The following TNS4 variants were observed in gnomAD, a reference collection of about 807,000 sequenced individuals.
The protein encoded by TNS4 is tensin-4.
In TNS4, 46 loss-of-function variants were observed where a neutral mutation model predicts 70.4. The ratio of observed to expected loss-of-function variants is 0.65; its 90% CI spans 0.52 to 0.84. The LOEUF is 0.84. Among genes scored for constraint, TNS4 ranks in the 40% least tolerant of loss-of-function variants. The pLI is 0.00. For synonymous variants in TNS4, 390 were observed against 366.6 expected, an observed-to-expected ratio of 1.06 and a Z score of -0.73; for missense variants, 863 against 907.0, an observed-to-expected ratio of 0.95 and a Z score of 0.62.
At chr17:40,485,927 C>T (rs1232660438) in intron 4 of TNS4, among the ~76,000 whole-genome samples, 2 of 152,232 alleles carry the variant, frequency 1.3e-5, no homozygotes, top group African/African-American at 2.4e-5. Context: ...TCATTTTCTC[C>T]TGCTTGCCTC....
chr17:40,488,592 C>G lies in TNS4; in HGVS notation c.817G>C (p.Val273Leu). ...TCAGACACTGGGCTGGCTGACAGCA[C>G]AGAGATCCTGCTGCCCCGCTGTGGG... The part of the protein sequence containing the change: ...LAPQRGSRIS[V>L]LSASPVSDVS... Residue 273 changes from valine (V) to leucine (L), a missense_variant, in exon 3 of 13, where the codon GTG (valine) becomes CTG (leucine). Val to Leu is a conservative substitution (Grantham distance 32, BLOSUM62 1). Coordinates refer to ENST00000254051, the MANE Select transcript of TNS4 (RefSeq NM_032865.6). 6.6e-7 allele frequency: 1 copy of G among 1,514,008 alleles called. No homozygotes were observed. Among genetic ancestry groups the G allele is most frequent in the Non-Finnish European group, 8.8e-7 (1 of 1,131,318 alleles). The allele number at this position is 1,514,008 out of a possible 1,614,324, so 93.8% of individuals were successfully genotyped here. A position where few individuals can be genotyped will look rare whatever the true frequency, so the allele number is the denominator to read the frequency against.
rs1173609120 is a variant in TNS4 at position 40,480,825 on chromosome 17, C to A, written c.1673-57G>T. On this transcript the variant is annotated intron_variant, in intron 8 of 12. Coordinates refer to ENST00000254051, the MANE Select transcript of TNS4 (RefSeq NM_032865.6). Reference sequence around the variant, plus strand: ...AGGGGCGGGGGTGGAGTGAATGGACCCCTCTCACAGGAACAGGCCTCATGA... The same window carrying A: ...AGGGGCGGGGGTGGAGTGAATGGACACCTCTCACAGGAACAGGCCTCATGA... 1.9e-6 allele frequency: 3 copies of A among 1,573,648 alleles called. No homozygotes were observed. In the East Asian group the frequency reaches 7.1e-5, roughly 37 times the overall value.
chr17:40,501,060 C>A (rs761426141), intron 1 of TNS4, among the ~76,000 whole-genome samples: 1 of 152,222 alleles, frequency 6.6e-6, no homozygotes, highest in Admixed American at 6.5e-5. Context: ...CTGAACTCCG[C>A]GGTCTGTGAT....
rs892854606 is a variant in TNS4, at chr17:40,492,763, A to G, written c.439+3224T>C. The stretch of plus-strand genomic sequence containing the variant: ...TAAAAATTAGCCAGGTTGGCAGGGC[A>G]TGGTGGCTCATACCTGTAATCCCAG... On this transcript the variant is annotated intron_variant, in intron 2 of 12. Transcript: ENST00000254051. Among the ~76,000 whole-genome samples, 5 of 152,058 alleles carry G rather than the reference A, an allele frequency of 3.3e-5. No individual in the cohort carries two copies. The East Asian group carries it at 9.7e-4, about 30-fold the overall frequency.
At chr17:40,483,364 C>T (rs1488537048) in intron 6 of TNS4, among the ~76,000 whole-genome samples, 1 of 152,064 alleles carries the variant, frequency 6.6e-6, no homozygotes, top group Non-Finnish European at 1.5e-5. Flanking sequence ...TGTGCTCCAC[C>T]ACACCTGGGT....
In TNS4 at chr17:40,477,628, C is replaced by T. The variant is rs2035865155; in HGVS notation, c.2108G>A (p.Gly703Asp). The T allele has an allele frequency of 6.2e-7, 1 of 1,614,054 alleles. No homozygotes were observed. Among genetic ancestry groups the T allele is most frequent in the Non-Finnish European group, 8.5e-7 (1 of 1,180,036 alleles). Residue 703 changes from glycine (G) to aspartate (D), a missense_variant, in exon 13 of 13, where the codon GGC (glycine) becomes GAC (aspartate). By Grantham distance (94) the Gly-to-Asp change is moderately conservative. Transcript: ENST00000254051. Reference protein sequence around the residue: ...DMVQPASQVIGLVTALLQDAE... With the variant: ...DMVQPASQVIDLVTALLQDAE... ...GTCCTGCAGCAGAGCAGTCACCAGG[C>T]CGATGACCTGCGAGGCTGGCTGGAC...
chr17:40,477,720 C>T lies in TNS4; in HGVS notation c.2016G>A (p.Gly672=), dbSNP rs1449040306. 6.2e-7 allele frequency: 1 copy of T among 1,613,924 alleles called. No individual in the cohort carries two copies. Among genetic ancestry groups the T allele is most frequent in the Non-Finnish European group, 8.5e-7 (1 of 1,179,980 alleles). ...QKYCKPSWIF[G]FVAKSQTEPQ... is the part of the protein sequence containing the mutation. ...GCTCTGTCTGGCTCTTGGCCACAAA[C>T]CCAAAGATCCTGGTGGGGGAGGGCA... is the stretch of plus-strand genomic sequence containing the variant. Residue 672 remains glycine (G), a synonymous_variant, in exon 13 of 13, where the codon GGG becomes GGA. Coordinates refer to ENST00000254051, the MANE Select transcript of TNS4 (RefSeq NM_032865.6).
intron 1 of TNS4, among the ~76,000 whole-genome samples, chr17:40,500,858 T>G (rs1374442199): frequency 6.7e-6 from 1 of 148,998 alleles, no homozygotes; most frequent in Non-Finnish European, 1.5e-5. Flanking sequence ...ATAGGACCAG[T>G]GAAGGCCAGC....
At chr17:40,481,148 C>A (rs1874968274) in intron 8 of TNS4, among the ~76,000 whole-genome samples, 2 of 152,074 alleles carry the variant, frequency 1.3e-5, no homozygotes. Flanking sequence ...TGCCTTGATG[C>A]CCTTCCAGAA....
intron 10 of TNS4, among the ~76,000 whole-genome samples, chr17:40,479,322 T>A (rs561128542): frequency 6.6e-6 from 1 of 152,316 alleles, no homozygotes; most frequent in East Asian, 1.9e-4. Flanking sequence ...TAATTTTGTA[T>A]TTTTAGTAGA....
At chr17:40,491,866 C>T (rs2036072925) in intron 2 of TNS4, among the ~76,000 whole-genome samples, 1 of 152,024 alleles carries the variant, frequency 6.6e-6, no homozygotes, top group African/African-American at 2.4e-5. Context: ...TGGAGAGATA[C>T]TTATTAAATA....
Position 40,488,890 on chromosome 17 carries a change from G to C in TNS4, c.519C>G (p.Thr173=). ...CACTGCGAAGGGAGCCGAAGGGCGG[G>C]GTGACAGAGGGGCTGGAGCAGTGCT... ...GPQHCSSPSV[T]PPFGSLRSGG... Residue 173 remains threonine (T), a synonymous_variant, in exon 3 of 13, where the codon ACC becomes ACG. Coordinates refer to ENST00000254051, the MANE Select transcript of TNS4 (RefSeq NM_032865.6). The C allele has an allele frequency of 6.2e-7, 1 of 1,613,288 alleles. No homozygotes were observed. Among genetic ancestry groups the C allele is most frequent in the Non-Finnish European group, 8.5e-7 (1 of 1,179,812 alleles).
At chr17:40,491,935 T>C (rs2036074206) in intron 2 of TNS4, among the ~76,000 whole-genome samples, 1 of 150,870 alleles carries the variant, frequency 6.6e-6, no homozygotes, top group South Asian at 2.1e-4. Context: ...AAAATGAAAG[T>C]GGGGGGCCTG....
intron 2 of TNS4, among the ~76,000 whole-genome samples, chr17:40,495,520 A>C (rs186698949): frequency 1.4e-3 from 211 of 152,226 alleles, no homozygotes; most frequent in Non-Finnish European, 2.7e-3. Flanking sequence ...AGATGCCCCA[A>C]TCCTACCATT....
chr17:40,490,450 T>C (rs2036054379), intron 2 of TNS4, among the ~76,000 whole-genome samples: 1 of 152,204 alleles, frequency 6.6e-6, no homozygotes, highest in Non-Finnish European at 1.5e-5. Flanking sequence ...GTCTTGCCTC[T>C]AGCTTCCTGG....
At chr17:40,495,898 G>C in intron 2 of TNS4, 89 bp downstream of exon 2, 4 of 1,418,834 alleles carry the variant, frequency 2.8e-6, no homozygotes, top group Non-Finnish European at 3.8e-6. Context: ...AACAGGACAG[G>C]GTCCCCTTCT....
chr17:40,477,441 T>A lies in TNS4; in HGVS notation c.*147A>T. ...GGTGACTGCTGAAGGCCATAGCAGG[T>A]TCAAGGGTGTCAACTTGATGCCAAT... On this transcript the variant is annotated 3_prime_UTR_variant, in exon 13 of 13. Coordinates refer to ENST00000254051, the MANE Select transcript of TNS4 (RefSeq NM_032865.6). 9.1e-7 allele frequency: 1 copy of A among 1,098,236 alleles called. No homozygotes were observed. Among genetic ancestry groups the A allele is most frequent in the Non-Finnish European group, 1.3e-6 (1 of 780,252 alleles). The allele number at this position is 1,098,236 out of a possible 1,614,324, so 68.0% of individuals were successfully genotyped here.
rs536423355 is a variant in TNS4, at chr17:40,478,915, C to T, written c.1911-267G>A. ...ACCACGCCATTTAATTTTTTTTGGCCACTAACTTTTTGAGGACACGAATTA... is the reference window on the plus strand; with the variant it reads ...ACCACGCCATTTAATTTTTTTTGGCTACTAACTTTTTGAGGACACGAATTA... On this transcript the variant is annotated intron_variant, in intron 10 of 12. Coordinates refer to ENST00000254051, the MANE Select transcript of TNS4 (RefSeq NM_032865.6). Among the ~76,000 whole-genome samples, 7 of 152,134 alleles carry T rather than the reference C, an allele frequency of 4.6e-5. No homozygotes were observed. In the South Asian group the frequency reaches 1.5e-3, roughly 32 times the overall value.
intron 2 of TNS4, among the ~76,000 whole-genome samples, chr17:40,494,438 G>C (rs1403394938): frequency 6.6e-6 from 1 of 152,176 alleles, no homozygotes; most frequent in East Asian, 1.9e-4. Context: ...GCAAAACAGA[G>C]ATAAAATATT....
Sources: gnomAD v4.1 joint callset for allele counts (sites outside exome capture counted in the v4.1 genomes callset) on GRCh38, gnomAD v4.1.1 for gene constraint, MANE v1.5 for transcripts, NCBI Gene and HGNC (gene_info 2026-07-23, HGNC 2026-07-21) for gene names.